The following MAP3K12 variants were observed in gnomAD, a reference collection of about 807,000 sequenced individuals.
MAP3K12 encodes the protein MAPK-upstream kinase.
A neutral mutation model predicts 87.5 loss-of-function variants in MAP3K12; 14 were observed. The ratio of observed to expected loss-of-function variants is 0.16; its 90% CI spans 0.11 to 0.25. MAP3K12 has a LOEUF of 0.25. Among genes scored for constraint, MAP3K12 ranks in the 10% least tolerant of loss-of-function variants. The pLI is 1.00. For missense variants in MAP3K12, 802 were observed against 1,140.4 expected (o/e 0.70, Z 4.27); for synonymous variants, 469 against 452.5 (o/e 1.04, Z -0.46).
In MAP3K12 at chr12:53,487,269, G is replaced by T; in HGVS notation, c.123C>A (p.Asp41Glu). ...GAAGTACACACTGGGTAGGCGTCAG[G>T]TCCTTCTCGGGAGTGCAGTCAGAAG... ...PDTSDCTPEK[D>E]LTPTQCVLRD... Residue 41 changes from aspartate to glutamate, a missense_variant, in exon 2 of 14, where the codon GAC (aspartate) becomes GAA (glutamate). Asp to Glu is a conservative substitution (Grantham distance 45, BLOSUM62 2). Around this residue, in one of 5 missense-constraint regions of MAP3K12, gnomAD observed 135 missense variants for 151.6 expected, o/e 0.89. Transcript: ENST00000547488. 6 of 1,614,088 alleles carry T rather than the reference G, an allele frequency of 3.7e-6. No homozygotes were observed. The highest frequency in any genetic ancestry group is 4.2e-6 in the Non-Finnish European group (5 of 1,179,998).
intron 5 of MAP3K12, 43 bp downstream of exon 5, chr12:53,485,274 G>T: frequency 6.2e-7 from 1 of 1,604,928 alleles, no homozygotes. Flanking sequence ...AATCCCCCCA[G>T]GGCTGGCCAC....
intron 1 of MAP3K12, among the ~76,000 whole-genome samples, chr12:53,488,394 G>T (rs1195843436): frequency 6.6e-6 from 1 of 152,234 alleles, no homozygotes; most frequent in East Asian, 1.9e-4. Context: ...GGGTGCAGTG[G>T]CTCACACCTG....
chr12:53,498,936 GT>G (rs1943603899), intron 1 of MAP3K12, among the ~76,000 whole-genome samples: 1 of 3,528 alleles, frequency 2.8e-4, no homozygotes, highest in African/African-American at 4.8e-4. Flanking sequence ...GTGTGTGTGT[GT>G]GTGTGTGTGT....
intron 6 of MAP3K12, chr12:53,484,590 G>A: frequency 1.9e-6 from 1 of 524,628 alleles, no homozygotes. Flanking sequence ...TTTCCAACTT[G>A]TCTCCCAAAA....
At chr12:53,497,576 C>A (rs1041617538) in intron 1 of MAP3K12, among the ~76,000 whole-genome samples, 1 of 152,180 alleles carries the variant, frequency 6.6e-6, no homozygotes, top group African/African-American at 2.4e-5. Context: ...CCTCATGAAG[C>A]CCCTATGTCC....
intron 1 of MAP3K12, among the ~76,000 whole-genome samples, chr12:53,491,684 C>T (rs1034601560): frequency 3.3e-5 from 5 of 151,906 alleles, no homozygotes; most frequent in Admixed American, 3.3e-4. Context: ...CCGCCCATCT[C>T]GGCCTCCCAA....
chr12:53,491,301 A>AAAAAAAAAG (rs796169121), intron 1 of MAP3K12, among the ~76,000 whole-genome samples: 8 of 101,596 alleles, frequency 7.9e-5, no homozygotes, highest in East Asian at 2.3e-4. Context: ...AAAAAAAAAA[A>AAAAAAAAAG]AAAAGAAAAG....
intron 1 of MAP3K12, among the ~76,000 whole-genome samples, chr12:53,490,538 G>A (rs1943369715): frequency 6.6e-6 from 1 of 152,118 alleles, no homozygotes; most frequent in Non-Finnish European, 1.5e-5. Context: ...GAGGTCAGGA[G>A]ATCGAGACCA....
rs767087375 is a variant in MAP3K12 at position 53,483,417 on chromosome 12, A to T, written c.1545T>A (p.His515Gln). Residue 515 changes from histidine (H) to glutamine (Q), a missense_variant, in exon 10 of 14, where the codon CAT becomes CAA. Around this residue, in one of 5 missense-constraint regions of MAP3K12, gnomAD observed 490 missense variants for 496.6 expected, o/e 0.99. Transcript: ENST00000547488. ...TGATAAGCTTCTCCATTGTGTTTCC[A>T]TGCAGGAGGCCCCGGGAAGGGTGTG... ...LKPHPSRGLL[H>Q]GNTMEKLIKK... 1 of 1,613,988 alleles carries T rather than the reference A, an allele frequency of 6.2e-7. No homozygotes were observed. Among genetic ancestry groups the T allele is most frequent in the Non-Finnish European group, 8.5e-7 (1 of 1,179,990 alleles).
Position 53,481,154 on chromosome 12 carries a change from C to T in MAP3K12, c.*28G>A. The T allele has an allele frequency of 1.8e-6, 2 of 1,101,782 alleles. No individual in the cohort carries two copies. Among genetic ancestry groups the T allele is most frequent in the Non-Finnish European group, 2.4e-6 (2 of 831,858 alleles). 68.3% of individuals were successfully genotyped at this position (1,101,782 alleles called of 1,614,324 possible). A position where few individuals can be genotyped will look rare whatever the true frequency, so the allele number is the denominator to read the frequency against. On this transcript the variant is annotated 3_prime_UTR_variant, in exon 14 of 14. Transcript: ENST00000547488. ...ATATATATAATTTATATAAATATTT[C>T]TCTATGTACAAGGAATACGAGTGGC... is the stretch of plus-strand genomic sequence containing the variant.
chr12:53,486,838 G>A lies in MAP3K12; in HGVS notation c.445+109C>T. Reference sequence around the variant, plus strand: ...GGCTGATGGATGGCTAAGGGACTAGGGCTGGGCCATGGGGAGGGAAGGGAC... The same window carrying A: ...GGCTGATGGATGGCTAAGGGACTAGAGCTGGGCCATGGGGAGGGAAGGGAC... On this transcript the variant is annotated intron_variant, in intron 2 of 13. Coordinates refer to ENST00000547488, the MANE Select transcript of MAP3K12 (RefSeq NM_001193511.2). This position sits in a 1 kb window ranked among gnomAD's most constrained non-coding sequence, Gnocchi z 4.9. 1 of 1,553,294 alleles carries A rather than the reference G, an allele frequency of 6.4e-7. No homozygotes were observed.
At chr12:53,498,319 G>C (rs1349128451) in intron 1 of MAP3K12, among the ~76,000 whole-genome samples, 1 of 152,128 alleles carries the variant, frequency 6.6e-6, no homozygotes, top group South Asian at 2.1e-4. Flanking sequence ...AGAGCTCCTA[G>C]AGCAATGGAG....
Position 53,486,652 on chromosome 12 carries a change from C to G in MAP3K12, c.446-30G>C, listed in dbSNP as rs772793525. 1.9e-6 allele frequency: 3 copies of G among 1,542,006 alleles called. No homozygotes were observed. The East Asian group carries it at 7.2e-5, about 37-fold the overall frequency. On this transcript the variant is annotated intron_variant, in intron 2 of 13. Transcript: ENST00000547488. The surrounding 1 kb of genome is among the most constrained non-coding windows in gnomAD (Gnocchi z 4.9). ...GGGCAGGAGGCACAGTGCCACAAGC[C>G]TCAGAAAGAGCCACACTCAAGGCCA...
intron 1 of MAP3K12, among the ~76,000 whole-genome samples, chr12:53,492,805 G>C (rs1252017007): frequency 6.6e-6 from 1 of 151,760 alleles, no homozygotes; most frequent in East Asian, 1.9e-4. Flanking sequence ...TTCGCTTCTG[G>C]ACCACCCAGA....
upstream of MAP3K12, chr12:53,500,189 G>A (rs1206378226): frequency 6.7e-6 from 1 of 148,216 alleles, no homozygotes; most frequent in East Asian, 2.0e-4. Context: ...TTTTTTTAAT[G>A]TGGTCTCTCC....
Position 53,483,916 on chromosome 12 carries a change from C to T in MAP3K12, c.1353G>A (p.Glu451=), listed in dbSNP as rs1465823555. ...EEELVMRRRE[E]LRHALDIREH... ...CCCCAAGCACGGGAACTCACCTGAG[C>T]TCCTCCCTCCTCCTCATCACCAGTT... Residue 451 remains glutamate (E), a synonymous_variant, in exon 8 of 14, where the codon GAG becomes GAA. Transcript: ENST00000547488. The T allele has an allele frequency of 3.7e-6, 6 of 1,613,690 alleles. No homozygotes were observed. The highest frequency in any genetic ancestry group is 5.1e-6 in the Non-Finnish European group (6 of 1,179,562).
intron 13 of MAP3K12, 153 bp downstream of exon 13, chr12:53,481,788 G>C (rs1015524175): frequency 2.7e-5 from 24 of 887,862 alleles, no homozygotes; most frequent in Non-Finnish European, 4.1e-5. Context: ...GATGCTCTGT[G>C]CAAGAGGCTT....
At chr12:53,498,315 C>G (rs1437443792) in intron 1 of MAP3K12, among the ~76,000 whole-genome samples, 2 of 152,058 alleles carry the variant, frequency 1.3e-5, no homozygotes, top group Non-Finnish European at 2.9e-5. Flanking sequence ...ACTCAGAGCT[C>G]CTAGAGCAAT....
intron 6 of MAP3K12, chr12:53,484,838 G>A (rs1943183553): frequency 6.7e-6 from 4 of 600,228 alleles, no homozygotes; most frequent in Non-Finnish European, 1.2e-5. Context: ...CAGGAATGCA[G>A]ATATCGTTAA....
Sources: gnomAD v4.1 joint callset for allele counts (sites outside exome capture counted in the v4.1 genomes callset) on GRCh38, gnomAD v4.1.1 for gene constraint, gnomAD v4.1.1 regional missense constraint, Gnocchi (gnomAD v3.1) non-coding constraint, MANE v1.5 for transcripts, NCBI Gene and HGNC (gene_info 2026-07-23, HGNC 2026-07-21) for gene names.